The following PTPRN2 variants were observed in gnomAD, a reference collection of about 807,000 sequenced individuals.
PTPRN2 encodes protein tyrosine phosphatase receptor type N2.
PTPRN2 carries 74 observed loss-of-function variants against 118.8 expected under a neutral mutation model. The observed-to-expected ratio is 0.62, with a 90% confidence interval of 0.52 to 0.76. The LOEUF (loss-of-function observed/expected upper bound fraction) is 0.76, where lower values mean the gene tolerates loss of function less well. Among genes scored for constraint, PTPRN2 ranks in the 30% least tolerant of loss-of-function variants. The probability of loss-of-function intolerance (pLI) is 0.00; values close to 1 mark genes in which losing one functional copy is unlikely to be tolerated. For missense variants in PTPRN2, 1,481 were observed against 1,394.4 expected, an observed-to-expected ratio of 1.06 and a Z score of -0.99; for synonymous variants, 641 against 608.0, an observed-to-expected ratio of 1.05 and a Z score of -0.80.
intron 1 of PTPRN2, among the ~76,000 whole-genome samples, chr7:158,540,634 C>T (rs114993232): frequency 1.3e-3 from 195 of 152,318 alleles, no homozygotes; most frequent in African/African-American, 4.4e-3. Flanking sequence ...CACATCCAGA[C>T]GAGACCACAA....
At chr7:158,287,685 C>A (rs1390726704) in intron 3 of PTPRN2, among the ~76,000 whole-genome samples, 2 of 152,070 alleles carry the variant, frequency 1.3e-5, no homozygotes, top group Non-Finnish European at 2.9e-5. Flanking sequence ...AGAAAAGATG[C>A]TTAATGTGAT....
At chr7:158,050,741 C>T (rs191250125) in intron 11 of PTPRN2, among the ~76,000 whole-genome samples, 136 of 152,354 alleles carry the variant, frequency 8.9e-4, no homozygotes, top group African/African-American at 3.0e-3. Flanking sequence ...GTCCCCCACA[C>T]GACTCTTCCA....
intron 12 of PTPRN2, among the ~76,000 whole-genome samples, chr7:157,695,138 C>T (rs1797702264): frequency 1.3e-5 from 2 of 151,870 alleles, no homozygotes; most frequent in Non-Finnish European, 2.9e-5. Context: ...TTAAGGAACA[C>T]CAAATTGTTA....
intron 3 of PTPRN2, among the ~76,000 whole-genome samples, chr7:158,304,429 A>T (rs1586182461): frequency 2.0e-5 from 3 of 151,362 alleles, no homozygotes; most frequent in Non-Finnish European, 1.5e-5. Flanking sequence ...GGATTTCTAC[A>T]TGCTAGGGAG....
At chr7:157,650,181 C>T (rs190164839) in intron 14 of PTPRN2, among the ~76,000 whole-genome samples, 3 of 152,252 alleles carry the variant, frequency 2.0e-5, no homozygotes, top group South Asian at 2.1e-4. Context: ...GGTTTAATGC[C>T]GTCTCTGGTC....
chr7:157,668,709 T>C (rs1425846321), intron 13 of PTPRN2, among the ~76,000 whole-genome samples: 1 of 152,130 alleles, frequency 6.6e-6, no homozygotes, highest in Non-Finnish European at 1.5e-5. Flanking sequence ...GTGGCTCGAA[T>C]GTAAAACGGT....
intron 11 of PTPRN2, among the ~76,000 whole-genome samples, chr7:157,908,201 A>G (rs1189708059): frequency 1.3e-5 from 2 of 151,792 alleles, no homozygotes; most frequent in Non-Finnish European, 2.9e-5. Context: ...TCTTCCATCC[A>G]TGGTGCCGGG....
chr7:157,612,981 GAGGGTTGATCTCACTGAC>G lies in PTPRN2; in HGVS notation c.2344+8363_2344+8380del, dbSNP rs1331259268. On this transcript the variant is annotated intron_variant, in intron 15 of 22. Transcript: ENST00000389418. ...GCTCCGTGAAGACACAGCAGCTCCG[GAGGGTTGATCTCACTGAC>G]AGGGAGAGTCCCTGAGGAGGGGCCG... is the stretch of plus-strand genomic sequence containing the variant. 2.6e-5 allele frequency among the ~76,000 whole-genome samples: 4 copies of G among 152,156 alleles called. No homozygotes were observed. The East Asian group carries it at 7.7e-4, about 29-fold the overall frequency.
intron 2 of PTPRN2, among the ~76,000 whole-genome samples, chr7:158,328,654 C>A (rs1448765031): frequency 6.6e-6 from 1 of 151,932 alleles, no homozygotes; most frequent in East Asian, 1.9e-4. Flanking sequence ...CCACCCAGAT[C>A]CCAGTGAGGC....
intron 1 of PTPRN2, among the ~76,000 whole-genome samples, chr7:158,502,108 G>T (rs1020761628): frequency 6.6e-5 from 10 of 152,184 alleles, no homozygotes; most frequent in African/African-American, 2.4e-4. Context: ...GGAGAAAAGT[G>T]AGAGAAATTG....
At chr7:158,569,452 G>A (rs1240059271) in intron 1 of PTPRN2, among the ~76,000 whole-genome samples, 1 of 152,246 alleles carries the variant, frequency 6.6e-6, no homozygotes, top group East Asian at 1.9e-4. Context: ...CACCCTCCCC[G>A]GGACGTCACA....
intron 1 of PTPRN2, among the ~76,000 whole-genome samples, chr7:158,543,129 G>A (rs559665683): frequency 6.6e-5 from 10 of 152,348 alleles, no homozygotes; most frequent in African/African-American, 2.2e-4. Flanking sequence ...CTTTAAAAAG[G>A]CTGCTCTTGT....
intron 12 of PTPRN2, among the ~76,000 whole-genome samples, chr7:157,850,434 G>A (rs867731516): frequency 4.8e-4 from 71 of 147,398 alleles, no homozygotes; most frequent in Middle Eastern, 3.6e-3. Context: ...AATTTCCGAC[G>A]TGGGGTGCCT....
At chr7:158,149,337 G>A (rs894339513) in intron 6 of PTPRN2, among the ~76,000 whole-genome samples, 1 of 151,728 alleles carries the variant, frequency 6.6e-6, no homozygotes, top group African/African-American at 2.4e-5. Context: ...TTTAACCCCT[G>A]GAAATTAACA....
intron 3 of PTPRN2, among the ~76,000 whole-genome samples, chr7:158,205,707 C>G (rs1042110350): frequency 1.5e-4 from 23 of 152,170 alleles, no homozygotes; most frequent in Non-Finnish European, 5.9e-5. Context: ...TTTGGAATTG[C>G]TGATGTCACC....
At chr7:157,666,864 G>A (rs555162466) in intron 13 of PTPRN2, among the ~76,000 whole-genome samples, 1 of 152,072 alleles carries the variant, frequency 6.6e-6, no homozygotes, top group South Asian at 2.1e-4. Flanking sequence ...TGGCCCATGC[G>A]GCACTGATCT....
At chr7:158,314,737 G>A (rs947653239) in intron 3 of PTPRN2, among the ~76,000 whole-genome samples, 1 of 152,266 alleles carries the variant, frequency 6.6e-6, no homozygotes, top group Non-Finnish European at 1.5e-5. Flanking sequence ...GGGCTCAGGT[G>A]ACTTGGGCTT....
At chr7:157,595,548 T>G (rs1220578118) in intron 16 of PTPRN2, among the ~76,000 whole-genome samples, 2 of 113,194 alleles carry the variant, frequency 1.8e-5, no homozygotes, top group Non-Finnish European at 3.7e-5. Flanking sequence ...AGCCAGGAGG[T>G]TAGGAAGCCT....
At position 157,656,657 on chromosome 7, in the gene PTPRN2, C is replaced by G. The variant is rs1563310876; in HGVS notation, c.2002-106G>C. On this transcript the variant is annotated intron_variant, in intron 13 of 22. Coordinates refer to ENST00000389418, the MANE Select transcript of PTPRN2 (RefSeq NM_002847.5). Reference sequence around the variant, plus strand: ...GCACAACCCCTTCTCCTGCTAAGATCCAAGGTTCAGGCAGGCGAGAGTTTA... The same window carrying G: ...GCACAACCCCTTCTCCTGCTAAGATGCAAGGTTCAGGCAGGCGAGAGTTTA... 2.5e-6 allele frequency: 3 copies of G among 1,192,556 alleles called. No homozygotes were observed. The East Asian group carries it at 7.7e-5, about 31-fold the overall frequency. 73.9% of individuals were successfully genotyped at this position (1,192,556 alleles called of 1,614,324 possible). A position where few individuals can be genotyped will look rare whatever the true frequency, so the allele number is the denominator to read the frequency against.
Sources: allele counts gnomAD v4.1 joint callset (sites outside exome capture counted in the v4.1 genomes callset), GRCh38; gene constraint gnomAD v4.1.1; transcripts MANE v1.5; gene names NCBI Gene and HGNC (gene_info 2026-07-23, HGNC 2026-07-21).